The following HHIPL1 variants were observed in gnomAD, a reference collection of about 807,000 sequenced individuals.
The protein encoded by HHIPL1 is HHIP like 1, also known as HHIP-like protein 1.
Under a neutral mutation model 61.8 loss-of-function variants are expected in HHIPL1, and 43 were observed. The observed-to-expected ratio is 0.70, with a 90% CI of 0.55 to 0.90. The LOEUF (loss-of-function observed/expected upper bound fraction) is 0.90. Ranked by LOEUF, HHIPL1 falls within the 40% of genes least tolerant of loss-of-function variation. The probability of loss-of-function intolerance (pLI) is 0.00; values close to 1 mark genes in which losing one functional copy is unlikely to be tolerated. For synonymous variants in HHIPL1, 482 were observed against 515.8 expected, an observed-to-expected ratio of 0.93 and a Z score of 0.89; for missense variants, 1,056 against 1,157.7, an observed-to-expected ratio of 0.91 and a Z score of 1.28.
chr14:99,672,450 C>A, intron 8 of HHIPL1, 51 bp downstream of exon 8: 1 of 1,464,914 alleles, frequency 6.8e-7, no homozygotes, highest in Non-Finnish European at 9.4e-7. Flanking sequence ...ATCCCGCAGC[C>A]CACAACGGCT....
Position 99,662,921 on chromosome 14 carries a change from G to C in HHIPL1, c.1548G>C (p.Gln516His), listed in dbSNP as rs371667929. Residue 516 changes from glutamine to histidine, a missense_variant, in exon 6 of 9, where the codon CAG (glutamine) becomes CAC (histidine). Gln to His is a conservative substitution (Grantham distance 24). Coordinates refer to ENST00000330710, the MANE Select transcript of HHIPL1 (RefSeq NM_001127258.3). Reference sequence around the variant, plus strand: ...AGAACCCAGGGACAGGCCAGTGGCAGTACAGTGAGATCTGCATGGGCCACG... The same window carrying C: ...AGAACCCAGGGACAGGCCAGTGGCACTACAGTGAGATCTGCATGGGCCACG... Reference protein sequence around the residue: ...LQENPGTGQWQYSEICMGHGQ... With the variant: ...LQENPGTGQWHYSEICMGHGQ... 29 of 1,613,540 alleles carry C rather than the reference G, an allele frequency of 1.8e-5. No homozygotes were observed. The highest frequency in any genetic ancestry group is 2.4e-5 in the Non-Finnish European group (28 of 1,179,842).
the HHIPL1 span, among the ~76,000 whole-genome samples, chr14:99,638,473 A>G: frequency 2.0e-5 from 3 of 152,204 alleles, no homozygotes; most frequent in Non-Finnish European, 4.4e-5. Context: ...CAGTCTGGCC[A>G]GAGAGGCGCT....
At chr14:99,656,789 AAG>A in intron 2 of HHIPL1, among the ~76,000 whole-genome samples, 1 of 2,266 alleles carries the variant, frequency 4.4e-4, no homozygotes, top group Non-Finnish European at 7.0e-3. Flanking sequence ...AAGAAAAGAA[AAG>A]AAAGAAAGAA....
the HHIPL1 span, among the ~76,000 whole-genome samples, chr14:99,637,080 G>A: frequency 2.2e-4 from 25 of 111,438 alleles, 1 homozygote; most frequent in East Asian, 4.1e-3. Flanking sequence ...GAAAGAGAGA[G>A]AAAGAAAGAA....
the HHIPL1 span, among the ~76,000 whole-genome samples, chr14:99,623,679 G>A: frequency 2.6e-5 from 4 of 152,156 alleles, no homozygotes; most frequent in African/African-American, 7.2e-5. Context: ...CTCCCAAAGT[G>A]CTGGGATTAC....
the HHIPL1 span, among the ~76,000 whole-genome samples, chr14:99,607,920 A>AAT: frequency 1.6e-4 from 24 of 152,222 alleles, no homozygotes; most frequent in African/African-American, 5.3e-4. Context: ...TTTAAATGGG[A>AAT]ATATATATAT....
rs1025768946 is a variant in HHIPL1, at chr14:99,673,220, G to A, written c.1813+821G>A. ...AGGCACCTGGGCTGAAGAGGTACCC[G>A]GGTAGAGGGGGAAGGGTCTGAGCTC... is the stretch of plus-strand genomic sequence containing the variant. On this transcript the variant is annotated intron_variant, in intron 8 of 8. Coordinates refer to ENST00000330710, the MANE Select transcript of HHIPL1 (RefSeq NM_001127258.3). Among the ~76,000 whole-genome samples, 8 of 152,060 alleles carry A rather than the reference G, an allele frequency of 5.3e-5. 1 individual carries two copies. The highest frequency in any genetic ancestry group is 4.2e-4 in the South Asian group (2 of 4,804).
upstream of HHIPL1, among the ~76,000 whole-genome samples, chr14:99,640,972 C>T (rs891529423): frequency 1.2e-4 from 18 of 148,990 alleles, no homozygotes; most frequent in African/African-American, 3.5e-4. Flanking sequence ...CTGCAAGCTC[C>T]GCCTCCCAGT....
the HHIPL1 span, among the ~76,000 whole-genome samples, chr14:99,623,700 C>A: frequency 6.6e-6 from 1 of 152,266 alleles, no homozygotes; most frequent in Admixed American, 6.5e-5. Context: ...AGGTGTGAAC[C>A]ACCACACCTG....
At chr14:99,642,392 T>C (rs1046314458), upstream of HHIPL1, among the ~76,000 whole-genome samples, 1 of 152,252 alleles carries the variant, frequency 6.6e-6, no homozygotes, top group Admixed American at 6.5e-5. Flanking sequence ...GTTTTTCTCT[T>C]GGTGTATCAG....
the HHIPL1 span, among the ~76,000 whole-genome samples, chr14:99,616,046 T>C: frequency 6.6e-6 from 1 of 152,200 alleles, no homozygotes; most frequent in African/African-American, 2.4e-5. Flanking sequence ...GCCATAATGT[T>C]TATATAGAGT....
chr14:99,657,874 C>G (rs183768112), intron 3 of HHIPL1, among the ~76,000 whole-genome samples: 8 of 151,782 alleles, frequency 5.3e-5, no homozygotes, highest in Admixed American at 3.9e-4. Flanking sequence ...CACATATACA[C>G]ACACATCCAC....
upstream of HHIPL1, among the ~76,000 whole-genome samples, chr14:99,643,555 T>C (rs1193856851): frequency 1.3e-5 from 2 of 152,220 alleles, no homozygotes; most frequent in African/African-American, 4.8e-5. Context: ...TCCACCTCTG[T>C]ACACTCATCT....
chr14:99,666,186 T>G (rs1388011492), intron 6 of HHIPL1, among the ~76,000 whole-genome samples: 2 of 152,240 alleles, frequency 1.3e-5, no homozygotes, highest in African/African-American at 4.8e-5. Context: ...TGTGCTGGTT[T>G]CTACGATCTG....
At chr14:99,674,977 C>T (rs921250108) in intron 8 of HHIPL1, 114 bp from the exon 9 acceptor site, 4 of 457,514 alleles carry the variant, frequency 8.7e-6, no homozygotes, top group South Asian at 9.4e-5. Context: ...AGACCCAGGA[C>T]ATCCTTCCCC....
chr14:99,661,399 A>G (rs28419434), intron 5 of HHIPL1, among the ~76,000 whole-genome samples: 13 of 142,406 alleles, frequency 9.1e-5, no homozygotes, highest in South Asian at 6.7e-4. Flanking sequence ...AAGAGAGAGA[A>G]AGAAAGAGAG....
In HHIPL1 at chr14:99,672,301, T is replaced by G; in HGVS notation, c.1731-16T>G. 1 of 1,550,508 alleles carries G rather than the reference T, an allele frequency of 6.4e-7. No homozygotes were observed. Among genetic ancestry groups the G allele is most frequent in the Non-Finnish European group, 8.7e-7 (1 of 1,146,406 alleles). ...TCCCAGGGTGAGACTCATAACCTCC[T>G]GTGTGTCGTTGGCAGGCGGGCACCA... is the stretch of plus-strand genomic sequence containing the variant. On this transcript the variant is annotated splice_polypyrimidine_tract_variant and intron_variant, in intron 7 of 8. Coordinates refer to ENST00000330710, the MANE Select transcript of HHIPL1 (RefSeq NM_001127258.3).
At chr14:99,652,901 G>A (rs3825570) in intron 2 of HHIPL1, 31 bp downstream of exon 2, 1 of 1,596,334 alleles carries the variant, frequency 6.3e-7, no homozygotes, top group African/African-American at 1.3e-5. Flanking sequence ...GGGCCTGGGT[G>A]GGGGCAGGCA....
chr14:99,656,780 AG>A (rs201750079), intron 2 of HHIPL1, among the ~76,000 whole-genome samples: 90,232 of 109,128 alleles, frequency 0.83, 39,563 homozygotes, highest in East Asian at 0.85. Flanking sequence ...GTCTGCAAAA[AG>A]AAAAGAAAAG....
Sources: gnomAD v4.1 joint callset for allele counts (sites outside exome capture counted in the v4.1 genomes callset) on GRCh38, gnomAD v4.1.1 for gene constraint, MANE v1.5 for transcripts, NCBI Gene and HGNC (gene_info 2026-07-23, HGNC 2026-07-21) for gene names.